MTAP: variants seen among roughly 807,000 people sequenced by gnomAD.
MTAP encodes S-methyl-5'-thioadenosine phosphorylase.
Under a neutral mutation model 33.6 loss-of-function variants are expected in MTAP, and 33 were observed. That is an observed-to-expected ratio of 0.98 (90% CI 0.74 to 1.31). The LOEUF is 1.31. MTAP is among the 40% of genes most tolerant of loss of function. The pLI is 0.00. For missense variants in MTAP, 367 were observed against 360.0 expected, an observed-to-expected ratio of 1.02 and a Z score of -0.16; for synonymous variants, 148 against 125.7, an observed-to-expected ratio of 1.18 and a Z score of -1.19.
chr9:21,877,253 T>C (rs1158500464), intron 1 of MTAP, among the ~76,000 whole-genome samples: 6 of 152,082 alleles, frequency 3.9e-5, no homozygotes. Flanking sequence ...GTGAAGGAGA[T>C]TTTGGGCTGA....
At chr9:21,859,003 T>G (rs1453791887) in intron 6 of MTAP, 1 of 226,066 alleles carries the variant, frequency 4.4e-6, no homozygotes, top group Non-Finnish European at 8.5e-6. Context: ...GAGCCCACTT[T>G]CTGGTAGACA....
At chr9:21,897,655 C>T (rs1311226201) in intron 1 of MTAP, among the ~76,000 whole-genome samples, 1 of 152,152 alleles carries the variant, frequency 6.6e-6, no homozygotes, top group Non-Finnish European at 1.5e-5. Flanking sequence ...AATAAAATAG[C>T]TGGGAATCCA....
At chr9:21,825,841 G>T (rs1046352262) in intron 4 of MTAP, among the ~76,000 whole-genome samples, 2 of 152,140 alleles carry the variant, frequency 1.3e-5, no homozygotes, top group African/African-American at 4.8e-5. Context: ...AGCCATTCAG[G>T]TGTGAGGTGA....
intron 5 of MTAP, among the ~76,000 whole-genome samples, chr9:21,846,077 A>C (rs918287183): frequency 2.0e-5 from 3 of 152,256 alleles, no homozygotes; most frequent in African/African-American, 7.2e-5. Context: ...GAAGAATGAA[A>C]CTGGATCTTC....
intron 4 of MTAP, among the ~76,000 whole-genome samples, chr9:21,832,523 G>A (rs1388101246): frequency 1.3e-5 from 2 of 152,098 alleles, no homozygotes; most frequent in African/African-American, 2.4e-5. Flanking sequence ...CACCTTTATA[G>A]AGAAGACAGA....
In MTAP at chr9:21,837,928, C is replaced by T; in HGVS notation, c.368C>T (p.Ser123Phe). 3 of 1,614,004 alleles carry T rather than the reference C, an allele frequency of 1.9e-6. No individual in the cohort carries two copies. Among genetic ancestry groups the T allele is most frequent in the Non-Finnish European group, 2.5e-6 (3 of 1,179,930 alleles). ...TGTAGGACCACTATGAGACCTCAGT[C>T]CTTCTATGATGGAAGTCATTCTTGT... ...FIDRTTMRPQ[S>F]FYDGSHSCAR... Residue 123 changes from serine (S) to phenylalanine (F), a missense_variant, in exon 5 of 8, where the codon TCC becomes TTC. Transcript: ENST00000644715.
chr9:21,888,804 C>T (rs941374417), intron 1 of MTAP, among the ~76,000 whole-genome samples: 7 of 151,594 alleles, frequency 4.6e-5, no homozygotes, highest in Admixed American at 2.0e-4. Context: ...CCAGGAAATT[C>T]GTCGCAAAAA....
At chr9:21,814,732 A>G (rs761983440) in intron 1 of MTAP, among the ~76,000 whole-genome samples, 1 of 152,206 alleles carries the variant, frequency 6.6e-6, no homozygotes, top group Non-Finnish European at 1.5e-5. Flanking sequence ...CTTTTGAATT[A>G]TTTATATTTG....
At chr9:21,897,918 T>C (rs1165099290) in intron 1 of MTAP, among the ~76,000 whole-genome samples, 8 of 152,084 alleles carry the variant, frequency 5.3e-5, no homozygotes, top group Admixed American at 1.3e-4. Context: ...GAGCCCGCAT[T>C]GCCAAGTCAA....
chr9:21,924,633 C>G lies in MTAP; in HGVS notation c.148-6375C>G, dbSNP rs188189845. 3.1e-4 allele frequency among the ~76,000 whole-genome samples: 47 copies of G among 152,286 alleles called. 1 individual carries two copies. In the East Asian group the frequency reaches 8.5e-3, roughly 28 times the overall value. On this transcript the variant is annotated intron_variant, in intron 1 of 1. Coordinates refer to the MTAP transcript ENST00000577563. ...TCGGGAGACCCCTCATTGGGTTTAC[C>G]CAGGGCTCAAGCCCTGGAGGAACCA...
At position 21,862,910 on chromosome 9, in the gene MTAP, T is replaced by G; in HGVS notation, c.*896T>G. The G allele has an allele frequency of 1.0e-6, 1 of 963,032 alleles. No individual in the cohort carries two copies. The highest frequency in any genetic ancestry group is 1.2e-6 in the Non-Finnish European group (1 of 809,824). The allele number at this position is 963,032 out of a possible 1,614,324, so 59.7% of individuals were successfully genotyped here. On this transcript the variant is annotated 3_prime_UTR_variant, in exon 8 of 8. Transcript: ENST00000644715. ...TTCTACAGTGAATTTAATCAAATAG[T>G]AAAGTTGTTGTAAAAATAAAAGTGG...
At chr9:21,925,967 G>T (rs2131040217) in intron 1 of MTAP, among the ~76,000 whole-genome samples, 1 of 152,296 alleles carries the variant, frequency 6.6e-6, no homozygotes, top group East Asian at 1.9e-4. Context: ...AGGGGAGACT[G>T]TCTTTTCTCA....
At chr9:21,838,149 A>G (rs1231288990) in intron 5 of MTAP, 139 bp downstream of exon 5, 3 of 626,648 alleles carry the variant, frequency 4.8e-6, no homozygotes, top group Non-Finnish European at 8.4e-6. Context: ...TTTTATGAAG[A>G]GTTATTTCCT....
intron 5 of MTAP, among the ~76,000 whole-genome samples, chr9:21,850,398 G>C (rs924171086): frequency 1.3e-5 from 2 of 152,134 alleles, no homozygotes; most frequent in African/African-American, 4.8e-5. Flanking sequence ...GTGTTACTCT[G>C]GCCCATCTAT....
Position 21,861,861 on chromosome 9 carries a change from A to G in MTAP, c.814-115A>G, listed in dbSNP as rs146104023. ...TTTCTGTAGAATTTATTTAAAGTGT[A>G]TGTTTCCTGCGTCCTCACTTTGATC... On this transcript the variant is annotated intron_variant, in intron 7 of 7. Transcript: ENST00000644715. 6,562 of 755,008 alleles carry G rather than the reference A, an allele frequency of 8.7e-3. 55 individuals are homozygous for G. The highest frequency in any genetic ancestry group is 0.01 in the Non-Finnish European group (4,371 of 425,392). The allele number at this position is 755,008 out of a possible 1,614,324, so 46.8% of individuals were successfully genotyped here.
At chr9:21,886,020 T>G (rs2118725678) in intron 1 of MTAP, among the ~76,000 whole-genome samples, 1 of 152,242 alleles carries the variant, frequency 6.6e-6, no homozygotes, top group East Asian at 1.9e-4. Flanking sequence ...CCTTTTAGTT[T>G]TTTTAAGGAA....
chr9:21,842,232 G>T (rs559149112), intron 5 of MTAP, among the ~76,000 whole-genome samples: 38 of 152,124 alleles, frequency 2.5e-4, no homozygotes, highest in Non-Finnish European at 4.4e-4. Flanking sequence ...CAAAGAAAAA[G>T]AATTTTAAAA....
chr9:21,906,476 A>G (rs921634091), intron 1 of MTAP, among the ~76,000 whole-genome samples: 9 of 152,022 alleles, frequency 5.9e-5, no homozygotes, highest in Non-Finnish European at 1.2e-4. Flanking sequence ...GAGAGCAGAG[A>G]GGGGAGAGAG....
chr9:21,841,923 A>G (rs899083995), intron 5 of MTAP, among the ~76,000 whole-genome samples: 4 of 152,242 alleles, frequency 2.6e-5, no homozygotes, highest in African/African-American at 9.6e-5. Context: ...ATCCAAACCA[A>G]GAGGAAATCT....
Sources: allele counts gnomAD v4.1 joint callset (sites outside exome capture counted in the v4.1 genomes callset), GRCh38; gene constraint gnomAD v4.1.1; transcripts MANE v1.5; gene names NCBI Gene and HGNC (gene_info 2026-07-23, HGNC 2026-07-21).